The following PLEKHG4B variants were observed in gnomAD, a reference collection of about 807,000 sequenced individuals.
The protein encoded by PLEKHG4B is pleckstrin homology and RhoGEF domain containing G4B.
A neutral mutation model predicts 121.3 loss-of-function variants in PLEKHG4B; 111 were observed. That is an observed-to-expected ratio of 0.92 (90% CI 0.78 to 1.07). PLEKHG4B has a LOEUF of 1.07. PLEKHG4B is among the 50% of genes least tolerant of loss of function. The pLI, the probability that PLEKHG4B is intolerant of heterozygous loss-of-function variation, is 0.00. For synonymous variants in PLEKHG4B, 738 were observed against 725.0 expected (o/e 1.02, Z -0.29); for missense variants, 1,831 against 1,757.8 (o/e 1.04, Z -0.74).
At chr5:155,314 T>C in intron 8 of PLEKHG4B, 31 bp from the exon 9 acceptor site, 1 of 1,571,094 alleles carries the variant, frequency 6.4e-7, no homozygotes, top group Non-Finnish European at 8.8e-7. Flanking sequence ...GACTGTGTTC[T>C]TATAATCTCC....
intron 16 of PLEKHG4B, among the ~76,000 whole-genome samples, chr5:171,791 G>A (rs1410450411): frequency 6.6e-6 from 1 of 152,238 alleles, no homozygotes; most frequent in East Asian, 1.9e-4. Flanking sequence ...ACAGGTGGAC[G>A]TGAGCGCTGC....
At position 155,339 on chromosome 5, in the gene PLEKHG4B, C is replaced by A. The variant is rs771756308; in HGVS notation, c.2110-6C>A. On this transcript the variant is annotated splice_region_variant and splice_polypyrimidine_tract_variant and intron_variant, in intron 8 of 19. Coordinates refer to ENST00000637938, the MANE Select transcript of PLEKHG4B (RefSeq NM_052909.5). Reference sequence around the variant, plus strand: ...TTATAATCTCCTCCCTCTCAACTCACAACAGAGGCTGGAACACTTCGCTGC... The same window carrying A: ...TTATAATCTCCTCCCTCTCAACTCAAAACAGAGGCTGGAACACTTCGCTGC... 1.2e-5 allele frequency: 19 copies of A among 1,612,320 alleles called. No individual in the cohort carries two copies. Among genetic ancestry groups the A allele is most frequent in the African/African-American group, 1.1e-4 (8 of 74,906 alleles).
intron 1 of PLEKHG4B, among the ~76,000 whole-genome samples, chr5:102,355 A>G (rs957943291): frequency 1.3e-5 from 2 of 152,156 alleles, no homozygotes; most frequent in Admixed American, 1.3e-4. Context: ...AAATGGAAGT[A>G]CTGCTACCAA....
intron 1 of PLEKHG4B, among the ~76,000 whole-genome samples, chr5:107,274 G>A (rs1734003945): frequency 6.6e-6 from 1 of 152,172 alleles, no homozygotes; most frequent in Admixed American, 6.5e-5. Context: ...TTGCTGTCAG[G>A]GACCCTGGAC....
At chr5:92,836 G>C (rs1303765362) in intron 1 of PLEKHG4B, among the ~76,000 whole-genome samples, 1 of 152,106 alleles carries the variant, frequency 6.6e-6, no homozygotes, top group Non-Finnish European at 1.5e-5. Flanking sequence ...CCGGAACAAA[G>C]AGAATTTTTA....
At chr5:119,434 G>A (rs981206672) in intron 2 of PLEKHG4B, among the ~76,000 whole-genome samples, 2 of 152,172 alleles carry the variant, frequency 1.3e-5, no homozygotes, top group Non-Finnish European at 2.9e-5. Flanking sequence ...GCATAAATGG[G>A]TTAATGTACT....
At chr5:99,682 G>A (rs539127354) in intron 1 of PLEKHG4B, among the ~76,000 whole-genome samples, 9 of 152,008 alleles carry the variant, frequency 5.9e-5, no homozygotes, top group Non-Finnish European at 1.2e-4. Flanking sequence ...CACAGAAATG[G>A]TTTTCCTTCT....
At chr5:136,348 C>T (rs1167723239) in intron 2 of PLEKHG4B, among the ~76,000 whole-genome samples, 4 of 151,990 alleles carry the variant, frequency 2.6e-5, no homozygotes, top group Admixed American at 6.6e-5. Context: ...GGTACTATTG[C>T]ATAAAAAGGG....
At chr5:174,152 A>G (rs6862729) in intron 18 of PLEKHG4B, 54 bp downstream of exon 18, 668,038 of 958,704 alleles carry the variant, frequency 0.7, 219,696 homozygotes, top group Non-Finnish European at 0.72. Context: ...AGCTAGGGGC[A>G]GGGGTCGGGG....
rs35601775 is a variant in PLEKHG4B at position 135,187 on chromosome 5, CAAAAAA to C, written c.244-4279_244-4274del. On this transcript the variant is annotated intron_variant, in intron 2 of 19. Coordinates refer to ENST00000637938, the MANE Select transcript of PLEKHG4B (RefSeq NM_052909.5). ...TGGGTGACAGAACGAGACTCCAGCT[CAAAAAA>C]AAAAAAAAAAAAAAAAGTTTGATTT... Among the ~76,000 whole-genome samples, 31 of 48,780 alleles carry C rather than the reference CAAAAAA, an allele frequency of 6.4e-4. No individual in the cohort carries two copies. In the East Asian group the frequency reaches 0.021, roughly 33 times the overall value. The allele number at this position is 48,780 out of a possible 152,430, so 32.0% of individuals were successfully genotyped here. A position where few individuals can be genotyped will look rare whatever the true frequency, so the allele number is the denominator to read the frequency against.
chr5:97,847 T>A (rs1733674966), intron 1 of PLEKHG4B, among the ~76,000 whole-genome samples: 1 of 152,198 alleles, frequency 6.6e-6, no homozygotes, highest in Non-Finnish European at 1.5e-5. Flanking sequence ...TGTGTAACTT[T>A]TTGACAGACC....
intron 3 of PLEKHG4B, among the ~76,000 whole-genome samples, chr5:141,318 C>T (rs1045823293): frequency 3.7e-5 from 5 of 133,936 alleles, no homozygotes; most frequent in Admixed American, 7.8e-5. Context: ...TTCATATTGG[C>T]GCTCACGTTC....
intron 18 of PLEKHG4B, 109 bp downstream of exon 18, chr5:174,207 G>C: frequency 9.3e-7 from 1 of 1,071,640 alleles, no homozygotes; most frequent in Non-Finnish European, 1.3e-6. Context: ...GGGGCCAGGG[G>C]GCTGGGGGCC....
chr5:108,443 T>A (rs1254800094), intron 1 of PLEKHG4B, among the ~76,000 whole-genome samples: 7 of 152,038 alleles, frequency 4.6e-5, no homozygotes, highest in Non-Finnish European at 1.0e-4. Flanking sequence ...GAAGCCTGAG[T>A]GGAAAGCAGG....
At position 144,124 on chromosome 5, in the gene PLEKHG4B, G is replaced by T. The variant is rs139694964; in HGVS notation, c.1811+621G>T. Reference sequence around the variant, plus strand: ...AAGTGTAGTAGTGAGAAGGGGGAAAGAATAGAATAAGGTGTTTGATCTGTA... The same window carrying T: ...AAGTGTAGTAGTGAGAAGGGGGAAATAATAGAATAAGGTGTTTGATCTGTA... On this transcript the variant is annotated intron_variant, in intron 5 of 19. Coordinates refer to ENST00000637938, the MANE Select transcript of PLEKHG4B (RefSeq NM_052909.5). 470 of 154,106 alleles carry T rather than the reference G, an allele frequency of 3.0e-3. 2 individuals carry two copies. The highest frequency in any genetic ancestry group is 0.01 in the Middle Eastern group (3 of 294). The allele number at this position is 154,106 out of a possible 1,614,324, so 9.5% of individuals were successfully genotyped here. A position where few individuals can be genotyped will look rare whatever the true frequency, so the allele number is the denominator to read the frequency against.
intron 1 of PLEKHG4B, among the ~76,000 whole-genome samples, chr5:94,192 A>G (rs1323077319): frequency 6.6e-6 from 1 of 152,140 alleles, no homozygotes. Context: ...GGGCCCTGAA[A>G]TTTTGGTGCC....
At chr5:172,009 T>C (rs1168275551) in intron 16 of PLEKHG4B, among the ~76,000 whole-genome samples, 5 of 152,088 alleles carry the variant, frequency 3.3e-5, no homozygotes, top group Non-Finnish European at 7.4e-5. Context: ...AGGCCACGGG[T>C]GAGCTGAGAA....
intron 2 of PLEKHG4B, among the ~76,000 whole-genome samples, chr5:124,764 T>A (rs2126373146): frequency 6.6e-6 from 1 of 152,360 alleles, no homozygotes; most frequent in East Asian, 1.9e-4. Flanking sequence ...TCAGTTTGGA[T>A]CTGTTTATGT....
intron 19 of PLEKHG4B, among the ~76,000 whole-genome samples, 164 bp downstream of exon 19, chr5:181,839 A>C (rs62346474): frequency 0.12 from 18,866 of 152,178 alleles, 2,536 homozygotes; most frequent in African/African-American, 0.34. Flanking sequence ...GCCCTCACTC[A>C]TCCTGCAGAG....
Sources: allele counts gnomAD v4.1 joint callset (sites outside exome capture counted in the v4.1 genomes callset), GRCh38; gene constraint gnomAD v4.1.1; transcripts MANE v1.5; gene names NCBI Gene and HGNC (gene_info 2026-07-23, HGNC 2026-07-21).